LIN7A: variants seen among roughly 807,000 people sequenced by gnomAD.
The protein encoded by LIN7A is protein lin-7 homolog A.
LIN7A carries 25 observed loss-of-function variants against 29.8 expected under a neutral mutation model. The ratio of observed to expected loss-of-function variants is 0.84; its 90% CI spans 0.61 to 1.17. LIN7A has a LOEUF of 1.17. Ranked by LOEUF, LIN7A falls within the 50% of genes most tolerant of loss-of-function variation. The pLI, the probability that LIN7A is intolerant of heterozygous loss-of-function variation, is 0.00. For synonymous variants in LIN7A, 118 were observed against 107.5 expected (o/e 1.10, Z -0.60); for missense variants, 239 against 287.0 (o/e 0.83, Z 1.21).
intron 2 of LIN7A, among the ~76,000 whole-genome samples, chr12:80,877,812 C>T (rs1445342009): frequency 6.6e-6 from 1 of 151,544 alleles, no homozygotes; most frequent in Non-Finnish European, 1.5e-5. Flanking sequence ...TCTTTCTCTC[C>T]ATTTTTGTTG....
rs982586551 is a variant in LIN7A at position 80,792,681 on chromosome 12, C to G, written c.*5046G>C. On this transcript the variant is annotated 3_prime_UTR_variant, in exon 6 of 6. Coordinates refer to ENST00000552864, the MANE Select transcript of LIN7A (RefSeq NM_004664.4). Reference sequence around the variant, plus strand: ...AAATGATACTATTGTCCAATCCTTTCCCGTAAATGTAAAATATCCTTAGTT... The same window carrying G: ...AAATGATACTATTGTCCAATCCTTTGCCGTAAATGTAAAATATCCTTAGTT... The G allele has an allele frequency of 2.0e-5, 3 of 152,196 alleles. No homozygotes were observed. The highest frequency in any genetic ancestry group is 7.2e-5 in the African/African-American group (3 of 41,460). 9.4% of individuals were successfully genotyped at this position (152,196 alleles called of 1,614,324 possible).
intron 1 of LIN7A, chr12:80,935,674 G>A: frequency 5.3e-6 from 2 of 377,528 alleles, no homozygotes; most frequent in Admixed American, 2.3e-5. Flanking sequence ...ATGCTCAGTG[G>A]TGATGCCAAT....
At chr12:80,800,076 A>G (rs1870641731) in intron 5 of LIN7A, among the ~76,000 whole-genome samples, 1 of 152,228 alleles carries the variant, frequency 6.6e-6, no homozygotes, top group Non-Finnish European at 1.5e-5. Flanking sequence ...CTTCTATTAG[A>G]AATGAAAGTG....
chr12:80,919,572 T>TGTA (rs1252485430), intron 1 of LIN7A, among the ~76,000 whole-genome samples: 1 of 151,762 alleles, frequency 6.6e-6, no homozygotes, highest in Non-Finnish European at 1.5e-5. Flanking sequence ...AAACAAGAGG[T>TGTA]GTAGACCCAT....
chr12:80,845,942 GAA>G lies in LIN7A; in HGVS notation c.274-5_274-4del, dbSNP rs79919291. 0.011 allele frequency: 14,111 copies of G among 1,313,104 alleles called. No individual in the cohort carries two copies. The highest frequency in any genetic ancestry group is 0.025 in the South Asian group (1,670 of 67,496). The allele number at this position is 1,313,104 out of a possible 1,614,324, so 81.3% of individuals were successfully genotyped here. ...GCTGCAAAAGCTGCAACTGTTGCCTGAAAAAAAAAAAAAAAGATGGTCTTTTG... is the reference window on the plus strand; with the variant it reads ...GCTGCAAAAGCTGCAACTGTTGCCTGAAAAAAAAAAAAAGATGGTCTTTTG... On this transcript the variant is annotated splice_region_variant and splice_polypyrimidine_tract_variant and intron_variant, in intron 3 of 5. Transcript: ENST00000552864.
At chr12:80,880,365 T>G (rs1874961626) in intron 2 of LIN7A, among the ~76,000 whole-genome samples, 1 of 152,144 alleles carries the variant, frequency 6.6e-6, no homozygotes, top group East Asian at 1.9e-4. Context: ...ATAGATAAAA[T>G]GAAATTTCTG....
intron 5 of LIN7A, among the ~76,000 whole-genome samples, chr12:80,804,262 T>C (rs1870863694): frequency 1.3e-5 from 2 of 152,130 alleles, no homozygotes; most frequent in South Asian, 4.1e-4. Flanking sequence ...AGGGTATAGC[T>C]AAATTATTAT....
At chr12:80,827,920 T>G (rs1432635999) in intron 4 of LIN7A, among the ~76,000 whole-genome samples, 1 of 151,892 alleles carries the variant, frequency 6.6e-6, no homozygotes, top group African/African-American at 2.4e-5. Flanking sequence ...ATTCTGGACG[T>G]TTTTTTTGTT....
intron 2 of LIN7A, among the ~76,000 whole-genome samples, chr12:80,848,871 T>C (rs1188185903): frequency 6.6e-6 from 1 of 152,164 alleles, no homozygotes; most frequent in East Asian, 1.9e-4. Flanking sequence ...GAAAGGTTTT[T>C]TTCTTCCTTT....
In LIN7A at chr12:80,834,876, C is replaced by T. The variant is rs370207823; in HGVS notation, c.483+10854G>A. ...CATTTCACTAGGTATACTCATGTAGCTGTGGCATATTAACATTCCAACCTT... is the reference window on the plus strand; with the variant it reads ...CATTTCACTAGGTATACTCATGTAGTTGTGGCATATTAACATTCCAACCTT... On this transcript the variant is annotated intron_variant, in intron 4 of 5. Coordinates refer to ENST00000552864, the MANE Select transcript of LIN7A (RefSeq NM_004664.4). Among the ~76,000 whole-genome samples the T allele has an allele frequency of 2.0e-5, 3 of 152,322 alleles. No homozygotes were observed. The East Asian group carries it at 5.8e-4, about 29-fold the overall frequency.
intron 1 of LIN7A, among the ~76,000 whole-genome samples, chr12:80,919,958 A>G (rs1030405145): frequency 3.9e-5 from 6 of 152,166 alleles, no homozygotes; most frequent in South Asian, 2.1e-4. Context: ...GGTAGAGGGC[A>G]AAGAGACAGA....
At chr12:80,879,965 G>A (rs1208974389) in intron 2 of LIN7A, among the ~76,000 whole-genome samples, 1 of 152,168 alleles carries the variant, frequency 6.6e-6, no homozygotes, top group Non-Finnish European at 1.5e-5. Flanking sequence ...CAACAATGCA[G>A]CCTTAGTCAG....
chr12:80,818,674 C>G (rs1871651046), intron 4 of LIN7A, among the ~76,000 whole-genome samples: 1 of 152,120 alleles, frequency 6.6e-6, no homozygotes, highest in South Asian at 2.1e-4. Flanking sequence ...ATATAGAGAC[C>G]TAGGCTCTTC....
intron 1 of LIN7A, among the ~76,000 whole-genome samples, chr12:80,923,760 C>T (rs1485617523): frequency 6.6e-6 from 1 of 152,202 alleles, no homozygotes; most frequent in Non-Finnish European, 1.5e-5. Flanking sequence ...CTGACCTATG[C>T]ACTTGCTGTT....
At chr12:80,802,403 A>T (rs900435319) in intron 5 of LIN7A, among the ~76,000 whole-genome samples, 3 of 152,160 alleles carry the variant, frequency 2.0e-5, no homozygotes, top group African/African-American at 7.2e-5. Flanking sequence ...TATCTTAGCT[A>T]TTGTGAACAA....
At chr12:80,934,622 T>C (rs1411483624) in intron 1 of LIN7A, among the ~76,000 whole-genome samples, 2 of 152,232 alleles carry the variant, frequency 1.3e-5, no homozygotes, top group African/African-American at 4.8e-5. Flanking sequence ...TTAAAACATT[T>C]GCCCTGAAGA....
intron 1 of LIN7A, among the ~76,000 whole-genome samples, chr12:80,924,716 G>A (rs1301569607): frequency 6.6e-6 from 1 of 152,098 alleles, no homozygotes. Context: ...TAAAAAGAAA[G>A]TTAAAAGTCA....
At chr12:80,832,211 T>G (rs996590166) in intron 4 of LIN7A, among the ~76,000 whole-genome samples, 4 of 152,202 alleles carry the variant, frequency 2.6e-5, no homozygotes, top group Non-Finnish European at 5.9e-5. Context: ...TATGAAAAAC[T>G]TAACTTGGTG....
intron 1 of LIN7A, among the ~76,000 whole-genome samples, chr12:80,905,574 G>A (rs1301215388): frequency 6.6e-6 from 1 of 152,014 alleles, no homozygotes; most frequent in Non-Finnish European, 1.5e-5. Flanking sequence ...TCCTTGAGCT[G>A]GCAATCTTTG....
Sources: gnomAD v4.1 joint callset for allele counts (sites outside exome capture counted in the v4.1 genomes callset) on GRCh38, gnomAD v4.1.1 for gene constraint, MANE v1.5 for transcripts, NCBI Gene and HGNC (gene_info 2026-07-23, HGNC 2026-07-21) for gene names.